The following AKAP13 variants were observed in gnomAD, a reference collection of about 807,000 sequenced individuals.
AKAP13 encodes A-kinase anchoring protein 13.
In AKAP13, 80 loss-of-function variants were observed where a neutral mutation model predicts 264.5. That is an observed-to-expected ratio of 0.30 (90% confidence interval 0.25 to 0.36). The LOEUF (loss-of-function observed/expected upper bound fraction) is 0.36. Ranked by LOEUF, AKAP13 falls within the 10% of genes least tolerant of loss-of-function variation. The pLI is 1.00. For missense variants in AKAP13, 3,712 were observed against 3,435.2 expected (o/e 1.08, Z -2.01); for synonymous variants, 1,380 against 1,250.2 (o/e 1.10, Z -2.19).
intron 16 of AKAP13, chr15:85,692,989 C>A: frequency 3.2e-6 from 1 of 310,474 alleles, no homozygotes; most frequent in South Asian, 3.9e-5. Flanking sequence ...AGCCTCCTTG[C>A]AGTGCTGGTC....
At chr15:85,513,364 G>T (rs1596383992) in intron 2 of AKAP13, among the ~76,000 whole-genome samples, 1 of 151,948 alleles carries the variant, frequency 6.6e-6, no homozygotes, top group African/African-American at 2.4e-5. Context: ...GGGAAGCCTT[G>T]GAGGTTTTAC....
At chr15:85,694,805 A>G (rs1004473069) in intron 17 of AKAP13, among the ~76,000 whole-genome samples, 1 of 152,208 alleles carries the variant, frequency 6.6e-6, no homozygotes, top group Admixed American at 6.5e-5. Context: ...ACATGATACT[A>G]TATCTATAAC....
Position 85,676,841 on chromosome 15 carries a change from A to G in AKAP13, c.5102-5317A>G, listed in dbSNP as rs529541026. The G allele has an allele frequency of 4.5e-5, 34 of 748,852 alleles. No homozygotes were observed. The African/African-American group carries it at 6.1e-4, about 13-fold the overall frequency. The allele number at this position is 748,852 out of a possible 1,614,324, so 46.4% of individuals were successfully genotyped here. A position where few individuals can be genotyped will look rare whatever the true frequency, so the allele number is the denominator to read the frequency against. The stretch of plus-strand genomic sequence containing the variant: ...AGAAATGGAGATGAGAATGTAAACA[A>G]ATTATTACATCATTCACCTAGACAG... On this transcript the variant is annotated intron_variant, in intron 14 of 36. Coordinates refer to ENST00000394518, the MANE Select transcript of AKAP13 (RefSeq NM_007200.5).
chr15:85,477,741 C>G (rs1056021279), intron 1 of AKAP13, among the ~76,000 whole-genome samples: 1 of 150,852 alleles, frequency 6.6e-6, no homozygotes, highest in Admixed American at 6.6e-5. Flanking sequence ...TTATTTTTCC[C>G]TTGTATAATG....
At chr15:85,418,430 A>G (rs2072347933) in intron 1 of AKAP13, among the ~76,000 whole-genome samples, 1 of 152,164 alleles carries the variant, frequency 6.6e-6, no homozygotes, top group Non-Finnish European at 1.5e-5. Flanking sequence ...TGTATAGCAC[A>G]TCTCAGTTCA....
chr15:85,522,563 C>T (rs141335446), intron 3 of AKAP13, among the ~76,000 whole-genome samples: 3 of 152,252 alleles, frequency 2.0e-5, no homozygotes, highest in Admixed American at 1.3e-4. Context: ...ACTTGTATGA[C>T]AGCCTGGAGC....
intron 1 of AKAP13, among the ~76,000 whole-genome samples, chr15:85,457,696 G>A (rs1284094833): frequency 1.3e-5 from 2 of 152,222 alleles, no homozygotes; most frequent in Non-Finnish European, 2.9e-5. Flanking sequence ...CACAACTGAA[G>A]CCTTTGGTGG....
At chr15:85,682,079 A>G (rs2084632783) in intron 14 of AKAP13, 79 bp from the exon 15 acceptor site, 2 of 1,344,486 alleles carry the variant, frequency 1.5e-6, no homozygotes, top group African/African-American at 2.9e-5. Context: ...TAGCTGTGTC[A>G]TTGTGAATTT....
chr15:85,608,778 G>T (rs781010684), intron 8 of AKAP13, among the ~76,000 whole-genome samples: 32 of 152,290 alleles, frequency 2.1e-4, no homozygotes, highest in Non-Finnish European at 4.3e-4. Context: ...TTATCTTGAA[G>T]AACAATAGAA....
At chr15:85,573,445 C>T (rs2078891161) in intron 5 of AKAP13, among the ~76,000 whole-genome samples, 1 of 151,998 alleles carries the variant, frequency 6.6e-6, no homozygotes. Context: ...ACTCAGGAGG[C>T]TGAGGCAGGA....
chr15:85,646,010 G>A (rs2082543710), intron 10 of AKAP13, 56 bp downstream of exon 10: 1 of 1,580,090 alleles, frequency 6.3e-7, no homozygotes, highest in Non-Finnish European at 8.6e-7. Flanking sequence ...TTCCTATTTG[G>A]GCTTCCCAAA....
At chr15:85,450,146 G>C (rs1233678291) in intron 1 of AKAP13, among the ~76,000 whole-genome samples, 1 of 151,930 alleles carries the variant, frequency 6.6e-6, no homozygotes, top group Non-Finnish European at 1.5e-5. Context: ...CAGTCTGGGT[G>C]GGGGTGTATG....
chr15:85,693,416 A>G lies in AKAP13; in HGVS notation c.5429A>G (p.Lys1810Arg), dbSNP rs892176044. Residue 1810 changes from lysine (K) to arginine (R), a missense_variant, in exon 17 of 37, where the codon AAG becomes AGG. This residue lies in a region of AKAP13 where 2,759 missense variants were observed against 2,411.7 expected (regional missense o/e 1.14). Transcript: ENST00000394518. Reference sequence around the variant, plus strand: ...CCCATCAGCTGTAGCCAGTGTATGAAGCCCTTCACCAACAAAGATGCCTAT... The same window carrying G: ...CCCATCAGCTGTAGCCAGTGTATGAGGCCCTTCACCAACAAAGATGCCTAT... ...VGPISCSQCM[K>R]PFTNKDAYTC... 1.9e-6 allele frequency: 3 copies of G among 1,613,392 alleles called. No individual in the cohort carries two copies. The highest frequency in any genetic ancestry group is 1.3e-5 in the African/African-American group (1 of 74,876).
intron 2 of AKAP13, among the ~76,000 whole-genome samples, chr15:85,503,117 G>A (rs147738620): frequency 6.6e-5 from 10 of 152,206 alleles, no homozygotes; most frequent in East Asian, 5.8e-4. Context: ...ACTTTATGTC[G>A]TGGTAAGGGG....
At chr15:85,694,939 T>C (rs1371234083) in intron 17 of AKAP13, among the ~76,000 whole-genome samples, 1 of 152,184 alleles carries the variant, frequency 6.6e-6, no homozygotes, top group Non-Finnish European at 1.5e-5. Context: ...TAAAAATAGT[T>C]AACTTACTGA....
At position 85,581,849 on chromosome 15, in the gene AKAP13, G is replaced by A. The variant is rs114446918; in HGVS notation, c.3781G>A (p.Glu1261Lys). 2.4e-5 allele frequency: 38 copies of A among 1,614,186 alleles called. No homozygotes were observed. In the Middle Eastern group the frequency reaches 6.6e-4, roughly 28 times the overall value. Residue 1261 changes from glutamate to lysine, a missense_variant, in exon 7 of 37, where the codon GAA becomes AAA. This residue lies in a region of AKAP13 where 2,759 missense variants were observed against 2,411.7 expected (regional missense o/e 1.14). Transcript: ENST00000394518. Reference sequence around the variant, plus strand: ...CAGCCGTATAGTGGATGCTGTCATCGAACAAGTCAAGGCCGCTGGAGCACT... The same window carrying A: ...CAGCCGTATAGTGGATGCTGTCATCAAACAAGTCAAGGCCGCTGGAGCACT... The part of the protein sequence containing the change: ...AASRIVDAVI[E>K]QVKAAGALLT...
rs554044771 is a variant in AKAP13, at chr15:85,689,288, AGT to A, written c.5290-3986_5290-3985del. On this transcript the variant is annotated intron_variant, in intron 16 of 36. Coordinates refer to ENST00000394518, the MANE Select transcript of AKAP13 (RefSeq NM_007200.5). ...GCCTTTCAGAAGTGCCTCCTAGAGT[AGT>A]GTTTACAAAGACTTAATTTTAAATG... Among the ~76,000 whole-genome samples the A allele has an allele frequency of 7.9e-5, 12 of 152,314 alleles. No individual in the cohort carries two copies. The South Asian group carries it at 2.5e-3, about 32-fold the overall frequency.
chr15:85,581,006 C>T lies in AKAP13; in HGVS notation c.2938C>T (p.Leu980=), dbSNP rs745311812. ...ADCAKDKALQ[L]SNSPGASSAF... ...CTGTGCCAAGGACAAAGCACTTCAG[C>T]TAAGTAATTCACCGGGTGCATCCTC... is the stretch of plus-strand genomic sequence containing the variant. Residue 980 remains leucine, a synonymous_variant, in exon 7 of 37, where the codon CTA becomes TTA. Coordinates refer to ENST00000394518, the MANE Select transcript of AKAP13 (RefSeq NM_007200.5). 13 of 1,613,802 alleles carry T rather than the reference C, an allele frequency of 8.1e-6. No homozygotes were observed. The highest frequency in any genetic ancestry group is 3.3e-5 in the Admixed American group (2 of 60,014).
At chr15:85,476,251 A>G (rs1596296103) in intron 1 of AKAP13, among the ~76,000 whole-genome samples, 1 of 152,024 alleles carries the variant, frequency 6.6e-6, no homozygotes, top group East Asian at 1.9e-4. Context: ...GACCCTGAAC[A>G]CTCTTTGGAG....
Sources: gnomAD v4.1 joint callset for allele counts (sites outside exome capture counted in the v4.1 genomes callset) on GRCh38, gnomAD v4.1.1 for gene constraint, gnomAD v4.1.1 regional missense constraint, MANE v1.5 for transcripts, NCBI Gene and HGNC (gene_info 2026-07-23, HGNC 2026-07-21) for gene names.